FANCA: variants seen among roughly 807,000 people sequenced by gnomAD.
FANCA encodes Fanconi anemia group A protein.
In FANCA, 236 loss-of-function variants were observed where a neutral mutation model predicts 194.3. That is an observed-to-expected ratio of 1.21 (90% CI 1.09 to 1.35). The LOEUF is 1.35. Ranked by LOEUF, FANCA falls within the 40% of genes most tolerant of loss-of-function variation. The pLI is 0.00. For synonymous variants in FANCA, 1,014 were observed against 715.8 expected (o/e 1.42, Z -6.65); for missense variants, 2,628 against 1,813.9 (o/e 1.45, Z -8.15).
intron 30 of FANCA, 90 bp from the exon 31 acceptor site, chr16:89,752,312 G>A (rs2038623997): frequency 1.9e-6 from 2 of 1,040,168 alleles, no homozygotes; most frequent in African/African-American, 3.1e-5. Context: ...GCTGAGTGAT[G>A]GCTGTGCTTC....
intron 11 of FANCA, among the ~76,000 whole-genome samples, chr16:89,795,284 CAATAAATAAATA>C (rs71391243): frequency 1.5e-3 from 214 of 140,054 alleles, no homozygotes; most frequent in Admixed American, 6.2e-3. Flanking sequence ...ACTCCATCTC[CAATAAATAAATA>C]AATAAATAAA....
In FANCA at chr16:89,773,520, G is replaced by C. The variant is rs76978504; in HGVS notation, c.1901-136C>G. 52 of 695,726 alleles carry C rather than the reference G, an allele frequency of 7.5e-5. No homozygotes were observed. In the East Asian group the frequency reaches 1.3e-3, roughly 17 times the overall value. 43.1% of individuals were successfully genotyped at this position (695,726 alleles called of 1,614,324 possible). A position where few individuals can be genotyped will look rare whatever the true frequency, so the allele number is the denominator to read the frequency against. On this transcript the variant is annotated intron_variant, in intron 21 of 42. Transcript: ENST00000389301. ...TGTGTGGCAGACGGAGGGACTGGGA[G>C]TCTCTGAGGAGGTAAATGAGGTGTC...
At chr16:89,785,731 G>A (rs950596103) in intron 14 of FANCA, among the ~76,000 whole-genome samples, 20 of 152,074 alleles carry the variant, frequency 1.3e-4, no homozygotes, top group African/African-American at 4.8e-4. Flanking sequence ...TGCCACCCTA[G>A]CCCCACTTGA....
chr16:89,744,710 C>T, intron 36 of FANCA: 1 of 538,846 alleles, frequency 1.9e-6, no homozygotes, highest in Non-Finnish European at 3.4e-6. Context: ...GCTCTATTGG[C>T]CGTTGGAGTG....
chr16:89,806,184 A>G (rs926563994), intron 6 of FANCA, among the ~76,000 whole-genome samples: 2 of 152,072 alleles, frequency 1.3e-5, no homozygotes, highest in African/African-American at 4.8e-5. Flanking sequence ...AAGTGCTGGG[A>G]TTACAGGTGT....
chr16:89,795,483 A>C (rs17232477), intron 11 of FANCA, among the ~76,000 whole-genome samples: 4,323 of 151,780 alleles, frequency 0.028, 230 homozygotes, highest in African/African-American at 0.099. Flanking sequence ...CTAAAAATAC[A>C]AAAAATTAAC....
At chr16:89,746,997 G>A (rs2038413763) in intron 33 of FANCA, 107 bp from the exon 34 acceptor site, 2 of 1,063,684 alleles carry the variant, frequency 1.9e-6, no homozygotes, top group African/African-American at 3.1e-5. Context: ...ACTCGCTAAG[G>A]CTTGGCGTGG....
At position 89,760,175 on chromosome 16, in the gene FANCA, G is replaced by GCC. The variant is rs2038904999; in HGVS notation, c.2853-1472_2853-1471dup. On this transcript the variant is annotated intron_variant, in intron 29 of 42. Coordinates refer to ENST00000389301, the MANE Select transcript of FANCA (RefSeq NM_000135.4). ...CAGCATGACCTCATGCAGCAGACAA[G>GCC]CCCCTCCCTCTGACCTCCTCCTTAG... Among the ~76,000 whole-genome samples, 8 of 152,254 alleles carry GCC rather than the reference G, an allele frequency of 5.3e-5. 1 individual carries two copies. Among genetic ancestry groups the GCC allele is most frequent in the Admixed American group, 5.2e-4 (8 of 15,286 alleles).
intron 14 of FANCA, among the ~76,000 whole-genome samples, chr16:89,788,270 G>T (rs2039960795): frequency 6.6e-6 from 1 of 151,810 alleles, no homozygotes; most frequent in Admixed American, 6.6e-5. Context: ...AGACCATCCT[G>T]GCCAACATGG....
At chr16:89,783,535 A>G (rs1169545133) in intron 15 of FANCA, among the ~76,000 whole-genome samples, 2 of 150,386 alleles carry the variant, frequency 1.3e-5, no homozygotes, top group African/African-American at 4.9e-5. Flanking sequence ...TGGGTGACAC[A>G]GTGAGACTTC....
chr16:89,808,425 G>T (rs970833098), intron 5 of FANCA, 58 bp from the exon 6 acceptor site: 36 of 1,535,332 alleles, frequency 2.3e-5, no homozygotes, highest in African/African-American at 2.7e-5. Flanking sequence ...AGCATTCTGA[G>T]TCCTTTATGA....
Position 89,739,521 on chromosome 16 carries a change from C to T in FANCA, c.3967G>A (p.Ala1323Thr), listed in dbSNP as rs1240220355. ...AGCAGCCTGGTGTGCTGATCCGGGG[C>T]CACACGGAGGAGGAGCCGCCCCAGC... The part of the protein sequence containing the change: ...LRLGRLLLRV[A>T]PDQHTRLLPF... Residue 1323 changes from alanine to threonine, a missense_variant, in exon 40 of 43, where the codon GCC becomes ACC. Physicochemically the swap from Ala to Thr is moderately conservative, Grantham distance 58. Transcript: ENST00000389301. 6.4e-7 allele frequency: 1 copy of T among 1,551,362 alleles called. No homozygotes were observed. The highest frequency in any genetic ancestry group is 8.7e-7 in the Non-Finnish European group (1 of 1,147,112).
intron 37 of FANCA, 180 bp from the exon 38 acceptor site, chr16:89,741,046 C>G: frequency 1.5e-6 from 1 of 645,268 alleles, no homozygotes; most frequent in Non-Finnish European, 2.8e-6. Context: ...GAATTAATTA[C>G]TACTGGCTGG....
intron 26 of FANCA, among the ~76,000 whole-genome samples, chr16:89,768,689 AAAAC>A (rs1166452450): frequency 4.6e-5 from 7 of 151,892 alleles, no homozygotes; most frequent in Non-Finnish European, 7.4e-5. Flanking sequence ...AACAAAAAAA[AAAAC>A]AAAACACACA....
At position 89,792,043 on chromosome 16, in the gene FANCA, T is replaced by C; in HGVS notation, c.1109A>G (p.Glu370Gly). The change falls in exon 13 of 43, where the codon GAG becomes GGG. Residue 370 changes from glutamate (E) to glycine (G), a missense_variant. Physicochemically the swap from Glu to Gly is moderately conservative, Grantham distance 98 (BLOSUM62 -2). Coordinates refer to ENST00000389301, the MANE Select transcript of FANCA (RefSeq NM_000135.4). ...RRLFVMLSAE[E>G]LVGHLQEVLE... is the part of the protein sequence containing the mutation. ...AACTTCTTGCAAATGGCCAACCAAC[T>C]CCTCTGCACTCAGCATCACAAAGAG... 1 of 1,614,048 alleles carries C rather than the reference T, an allele frequency of 6.2e-7. No individual in the cohort carries two copies. Among genetic ancestry groups the C allele is most frequent in the Non-Finnish European group, 8.5e-7 (1 of 1,179,988 alleles).
In FANCA at chr16:89,807,508, G is replaced by C. The variant is rs187129634; in HGVS notation, c.596+786C>G. Among the ~76,000 whole-genome samples the C allele has an allele frequency of 2.8e-3, 426 of 151,924 alleles. 1 individual carries two copies. Among genetic ancestry groups the C allele is most frequent in the African/African-American group, 9.9e-3 (411 of 41,438 alleles). On this transcript the variant is annotated intron_variant, in intron 6 of 42. Coordinates refer to ENST00000389301, the MANE Select transcript of FANCA (RefSeq NM_000135.4). Reference sequence around the variant, plus strand: ...CTCATGCCTGTAATCCCAGCACTTTGGGAGGCCGAGGCAGGGGAATCACCT... The same window carrying C: ...CTCATGCCTGTAATCCCAGCACTTTCGGAGGCCGAGGCAGGGGAATCACCT...
chr16:89,794,920 T>A (rs1266777398), intron 11 of FANCA, among the ~76,000 whole-genome samples: 1 of 152,140 alleles, frequency 6.6e-6, no homozygotes, highest in Non-Finnish European at 1.5e-5. Context: ...AGCAGAAAGA[T>A]AACGTGAGTT....
chr16:89,812,729 A>G (rs1201485316), intron 3 of FANCA, among the ~76,000 whole-genome samples: 1 of 151,198 alleles, frequency 6.6e-6, no homozygotes, highest in Non-Finnish European at 1.5e-5. Context: ...ACACATTATC[A>G]ATACATAAGT....
intron 31 of FANCA, among the ~76,000 whole-genome samples, chr16:89,751,769 T>C (rs2038600409): frequency 6.9e-6 from 1 of 145,148 alleles, no homozygotes; most frequent in South Asian, 2.3e-4. Flanking sequence ...ACAATAAATA[T>C]CTTTTTTTTT....
Sources: allele counts gnomAD v4.1 joint callset (sites outside exome capture counted in the v4.1 genomes callset), GRCh38; gene constraint gnomAD v4.1.1; transcripts MANE v1.5; gene names NCBI Gene and HGNC (gene_info 2026-07-23, HGNC 2026-07-21).